Variants in PELI2 observed in about 807,000 individuals in gnomAD.
PELI2 encodes E3 ubiquitin-protein ligase pellino homolog 2.
Under a neutral mutation model 42.3 loss-of-function variants are expected in PELI2, and 23 were observed. The observed-to-expected ratio is 0.54, with a 90% CI of 0.39 to 0.77. The LOEUF (loss-of-function observed/expected upper bound fraction) is 0.77, where lower values mean the gene tolerates loss of function less well. PELI2 is among the 30% of genes least tolerant of loss of function. The pLI is 0.00. For missense variants in PELI2, 463 were observed against 553.2 expected (o/e 0.84, Z 1.64); for synonymous variants, 245 against 212.2 (o/e 1.15, Z -1.34).
chr14:56,287,581 A>T (rs570155525), intron 3 of PELI2, among the ~76,000 whole-genome samples: 1 of 152,210 alleles, frequency 6.6e-6, no homozygotes, highest in Admixed American at 6.5e-5. Flanking sequence ...CATCTGTTCA[A>T]ATTGTTAAGT....
intron 1 of PELI2, among the ~76,000 whole-genome samples, chr14:56,160,025 T>TA (rs891593883): frequency 2.0e-5 from 3 of 152,040 alleles, no homozygotes; most frequent in Non-Finnish European, 4.4e-5. Context: ...TTTTTTTTTT[T>TA]AGGTAGACTG....
At chr14:56,190,069 G>A (rs985388146) in intron 2 of PELI2, among the ~76,000 whole-genome samples, 4 of 151,598 alleles carry the variant, frequency 2.6e-5, no homozygotes, top group Admixed American at 6.6e-5. Flanking sequence ...TATTTTTTTC[G>A]AATTAGAGTT....
intron 2 of PELI2, among the ~76,000 whole-genome samples, chr14:56,232,715 C>G (rs1192640066): frequency 2.8e-5 from 4 of 145,022 alleles, no homozygotes; most frequent in African/African-American, 2.5e-5. Flanking sequence ...GGGATGCCCT[C>G]TCTCACCACT....
At chr14:56,179,815 T>C (rs1885517676) in intron 2 of PELI2, among the ~76,000 whole-genome samples, 1 of 152,192 alleles carries the variant, frequency 6.6e-6, no homozygotes, top group African/African-American at 2.4e-5. Flanking sequence ...TGTTCTGGTA[T>C]TTAGATGTGG....
intron 2 of PELI2, among the ~76,000 whole-genome samples, chr14:56,251,998 T>G (rs1888362751): frequency 6.6e-6 from 1 of 152,202 alleles, no homozygotes; most frequent in Admixed American, 6.5e-5. Flanking sequence ...TTGAGAATTG[T>G]TATTAGGTGA....
At chr14:56,231,158 G>T (rs1194477399) in intron 2 of PELI2, among the ~76,000 whole-genome samples, 6 of 152,054 alleles carry the variant, frequency 3.9e-5, no homozygotes, top group Non-Finnish European at 7.4e-5. Flanking sequence ...GTAAAGTGGG[G>T]GGACACTTTA....
In PELI2 at chr14:56,252,557, A is replaced by G. The variant is rs549837297; in HGVS notation, c.208-27119A>G. Among the ~76,000 whole-genome samples, 5 of 152,360 alleles carry G rather than the reference A, an allele frequency of 3.3e-5. No homozygotes were observed. The South Asian group carries it at 1.0e-3, about 32-fold the overall frequency. On this transcript the variant is annotated intron_variant, in intron 2 of 5. Transcript: ENST00000267460. ...CTTGAGCCAGGAAAGAATTCAGAACATGGACACATGGGTGGGTTAAGGAGC... is the reference window on the plus strand; with the variant it reads ...CTTGAGCCAGGAAAGAATTCAGAACGTGGACACATGGGTGGGTTAAGGAGC...
At chr14:56,119,707 GA>G in intron 1 of PELI2, 1 of 911,692 alleles carries the variant, frequency 1.1e-6, no homozygotes, top group Non-Finnish European at 1.3e-6. Context: ...AGGGGAGGGG[GA>G]AGGGGGAAGT....
At chr14:56,192,290 TTCA>T (rs1459533865) in intron 2 of PELI2, among the ~76,000 whole-genome samples, 7 of 152,220 alleles carry the variant, frequency 4.6e-5, no homozygotes, top group African/African-American at 1.7e-4. Flanking sequence ...ACATTCCCTG[TTCA>T]TCATTTTCTA....
chr14:56,168,364 C>G lies in PELI2; in HGVS notation c.78-9971C>G, dbSNP rs541312833. The stretch of plus-strand genomic sequence containing the variant: ...TACCTGGTGTTCTATTTTATTGTGG[C>G]TGAGTTGGCCCTCAAACTAGAAGGT... On this transcript the variant is annotated intron_variant, in intron 1 of 5. Transcript: ENST00000267460. Among the ~76,000 whole-genome samples the G allele has an allele frequency of 8.5e-4, 129 of 152,260 alleles. 1 individual carries two copies. The highest frequency in any genetic ancestry group is 3.4e-3 in the Middle Eastern group (1 of 294).
At chr14:56,292,363 A>T (rs963798126) in intron 5 of PELI2, among the ~76,000 whole-genome samples, 6 of 152,170 alleles carry the variant, frequency 3.9e-5, no homozygotes, top group African/African-American at 1.4e-4. Flanking sequence ...ACCTCTGGAG[A>T]ACAGTTTTTG....
At chr14:56,233,270 A>G (rs1887653616) in intron 2 of PELI2, among the ~76,000 whole-genome samples, 1 of 152,076 alleles carries the variant, frequency 6.6e-6, no homozygotes, top group Admixed American at 6.5e-5. Context: ...GTTCACATGG[A>G]ACCGAAAAAA....
chr14:56,193,307 T>A (rs536932060), intron 2 of PELI2, among the ~76,000 whole-genome samples: 2 of 152,308 alleles, frequency 1.3e-5, no homozygotes, highest in Admixed American at 6.5e-5. Flanking sequence ...TGATTTTCTC[T>A]ATTACCTCGA....
At chr14:56,175,406 G>T (rs993025653) in intron 1 of PELI2, among the ~76,000 whole-genome samples, 4 of 152,188 alleles carry the variant, frequency 2.6e-5, no homozygotes. Flanking sequence ...TATCATATTT[G>T]TTATTGTGCC....
intron 1 of PELI2, among the ~76,000 whole-genome samples, chr14:56,164,645 T>A (rs991225143): frequency 3.9e-5 from 6 of 152,158 alleles, no homozygotes; most frequent in Non-Finnish European, 8.8e-5. Flanking sequence ...TTGGTAGAAT[T>A]CAGCAGTGAA....
chr14:56,228,811 C>G (rs1287270778), intron 2 of PELI2, among the ~76,000 whole-genome samples: 1 of 152,218 alleles, frequency 6.6e-6, no homozygotes, highest in Non-Finnish European at 1.5e-5. Context: ...ATCCCCTCAC[C>G]TGGGAAGCGC....
intron 1 of PELI2, among the ~76,000 whole-genome samples, chr14:56,144,176 G>C (rs563065094): frequency 1.3e-5 from 2 of 152,076 alleles, no homozygotes; most frequent in African/African-American, 2.4e-5. Context: ...GAGAAACTTG[G>C]TTCTCATTAC....
intron 2 of PELI2, among the ~76,000 whole-genome samples, chr14:56,193,489 G>A (rs574517396): frequency 6.6e-6 from 1 of 152,240 alleles, no homozygotes; most frequent in South Asian, 2.1e-4. Flanking sequence ...TGGACAGAAG[G>A]GAAATATTGT....
intron 2 of PELI2, among the ~76,000 whole-genome samples, chr14:56,272,788 C>T (rs770636630): frequency 7.2e-5 from 11 of 152,216 alleles, no homozygotes; most frequent in Admixed American, 6.5e-4. Flanking sequence ...TTCAGGAGCA[C>T]ATAACACTTC....
Sources: allele counts gnomAD v4.1 joint callset (sites outside exome capture counted in the v4.1 genomes callset), GRCh38; gene constraint gnomAD v4.1.1; transcripts MANE v1.5; gene names NCBI Gene and HGNC (gene_info 2026-07-23, HGNC 2026-07-21).